Variants in SCMH1 observed in about 807,000 individuals in gnomAD.
SCMH1 encodes Scm polycomb group protein homolog 1, also known as polycomb protein SCMH1.
Under a neutral mutation model 70.8 loss-of-function variants are expected in SCMH1, and 37 were observed. The ratio of observed to expected loss-of-function variants is 0.52; its 90% CI spans 0.40 to 0.69. The LOEUF is 0.69. Among genes scored for constraint, SCMH1 ranks in the 30% least tolerant of loss-of-function variants. SCMH1 has a pLI of 0.00. For missense variants in SCMH1, 607 were observed against 827.3 expected, an observed-to-expected ratio of 0.73 and a Z score of 3.27; for synonymous variants, 292 against 307.4, an observed-to-expected ratio of 0.95 and a Z score of 0.52.
intron 8 of SCMH1, among the ~76,000 whole-genome samples, chr1:41,111,863 C>T (rs1205381328): frequency 6.6e-6 from 1 of 152,162 alleles, no homozygotes; most frequent in Non-Finnish European, 1.5e-5. Context: ...TCTTCCTAAA[C>T]AAGTTTCCCC....
chr1:41,155,867 C>T (rs565222236), intron 4 of SCMH1, among the ~76,000 whole-genome samples: 2 of 151,560 alleles, frequency 1.3e-5, no homozygotes, highest in South Asian at 4.2e-4. Context: ...CACCTATAAT[C>T]CCAGCTACTT....
chr1:41,087,937 G>GGTGT (rs55721560), intron 8 of SCMH1, among the ~76,000 whole-genome samples: 1,525 of 139,894 alleles, frequency 0.011, 26 homozygotes, highest in African/African-American at 0.037. Context: ...TATAGTTTCT[G>GGTGT]GTGTGTGTGT....
chr1:41,102,031 G>A (rs1666765350), intron 8 of SCMH1, among the ~76,000 whole-genome samples: 1 of 152,138 alleles, frequency 6.6e-6, no homozygotes, highest in South Asian at 2.1e-4. Flanking sequence ...CTGCCTTCTA[G>A]GTTTCTCTAA....
chr1:41,179,354 A>T (rs1212230449), intron 2 of SCMH1, among the ~76,000 whole-genome samples: 5 of 152,244 alleles, frequency 3.3e-5, no homozygotes, highest in Admixed American at 3.3e-4. Context: ...GAAGGCAAGA[A>T]ATAACTAACA....
Position 41,168,418 on chromosome 1 carries a change from T to G in SCMH1, c.14-6986A>C, listed in dbSNP as rs534252486. On this transcript the variant is annotated intron_variant, in intron 2 of 14. Transcript: ENST00000337495. ...TTCTTCTGCTTCATTGAATCTGCTGTTGAATACCTCCATTGAATTTTTTTA... is the reference window on the plus strand; with the variant it reads ...TTCTTCTGCTTCATTGAATCTGCTGGTGAATACCTCCATTGAATTTTTTTA... Among the ~76,000 whole-genome samples the G allele has an allele frequency of 5.3e-5, 8 of 152,254 alleles. No homozygotes were observed. The South Asian group carries it at 1.5e-3, about 28-fold the overall frequency.
At chr1:41,151,470 C>A (rs191131935) in intron 5 of SCMH1, 144 bp downstream of exon 5, 61 of 519,032 alleles carry the variant, frequency 1.2e-4, no homozygotes, top group Admixed American at 5.1e-4. Context: ...AATTTTACTT[C>A]TTGAGCTGTG....
intron 1 of SCMH1, among the ~76,000 whole-genome samples, chr1:41,200,256 T>A (rs1210213174): frequency 2.0e-5 from 3 of 151,904 alleles, no homozygotes; most frequent in Admixed American, 6.6e-5. Context: ...GGCGGGTGGA[T>A]CACAAGGTCA....
intron 2 of SCMH1, among the ~76,000 whole-genome samples, chr1:41,177,635 A>G (rs939181341): frequency 2.0e-5 from 3 of 152,222 alleles, no homozygotes; most frequent in Non-Finnish European, 2.9e-5. Flanking sequence ...AAGAAAGGGT[A>G]CCAGTGATGG....
chr1:41,150,790 A>G (rs991897939), intron 5 of SCMH1, among the ~76,000 whole-genome samples: 10 of 151,510 alleles, frequency 6.6e-5, no homozygotes, highest in South Asian at 6.3e-4. Flanking sequence ...CAAAAAAATT[A>G]GCCGGGCATG....
chr1:41,194,969 T>G (rs1181260921), intron 1 of SCMH1, among the ~76,000 whole-genome samples: 1 of 151,634 alleles, frequency 6.6e-6, no homozygotes, highest in Non-Finnish European at 1.5e-5. Context: ...CCATCTCTAC[T>G]AAAAATACAA....
At chr1:41,238,799 C>CT (rs972178930) in intron 1 of SCMH1, among the ~76,000 whole-genome samples, 6 of 152,088 alleles carry the variant, frequency 3.9e-5, no homozygotes, top group Non-Finnish European at 5.9e-5. Context: ...GACCACACCT[C>CT]TTTTTTTTCT....
intron 6 of SCMH1, among the ~76,000 whole-genome samples, chr1:41,131,852 A>G (rs1674816076): frequency 6.6e-6 from 1 of 152,158 alleles, no homozygotes; most frequent in South Asian, 2.1e-4. Context: ...TTCCAGCTTC[A>G]TCCATGTCCC....
chr1:41,164,744 TTTTA>T (rs1329716654), intron 2 of SCMH1, among the ~76,000 whole-genome samples: 1 of 152,088 alleles, frequency 6.6e-6, no homozygotes. Context: ...TTTTTTTTGC[TTTTA>T]TTTGTAATTG....
At chr1:41,043,522 AC>A (rs1571377902) in intron 12 of SCMH1, 1 of 149,240 alleles carries the variant, frequency 6.7e-6, no homozygotes. Context: ...TCCCGAGTTC[AC>A]GCCATTCTCC....
Position 41,085,595 on chromosome 1 carries a change from C to T in SCMH1, c.746-10144G>A, listed in dbSNP as rs373184828. On this transcript the variant is annotated intron_variant, in intron 8 of 14. Transcript: ENST00000337495. Reference sequence around the variant, plus strand: ...TAAAACAATCTGTATTTGTAGATGACATGACAGGGTATGCGCCATCCAAAA... The same window carrying T: ...TAAAACAATCTGTATTTGTAGATGATATGACAGGGTATGCGCCATCCAAAA... Among the ~76,000 whole-genome samples, 11 of 152,264 alleles carry T rather than the reference C, an allele frequency of 7.2e-5. No individual in the cohort carries two copies. In the East Asian group the frequency reaches 1.2e-3, roughly 16 times the overall value.
At chr1:41,158,153 C>T (rs1645713596) in intron 4 of SCMH1, among the ~76,000 whole-genome samples, 1 of 152,160 alleles carries the variant, frequency 6.6e-6, no homozygotes. Flanking sequence ...GAACAATTAG[C>T]ATGAGTAAAA....
chr1:41,238,921 T>A (rs1662931128), intron 1 of SCMH1, among the ~76,000 whole-genome samples: 1 of 152,014 alleles, frequency 6.6e-6, no homozygotes, highest in African/African-American at 2.4e-5. Flanking sequence ...TACCAACATA[T>A]CCTCCTTAGT....
intron 6 of SCMH1, among the ~76,000 whole-genome samples, chr1:41,142,130 A>AT (rs896132880): frequency 1.3e-5 from 2 of 151,960 alleles, no homozygotes; most frequent in Admixed American, 6.6e-5. Context: ...TACATTACAA[A>AT]TTTTTTTTTA....
At chr1:41,152,102 A>G (rs573002720) in intron 4 of SCMH1, among the ~76,000 whole-genome samples, 30 of 152,278 alleles carry the variant, frequency 2.0e-4, no homozygotes, top group African/African-American at 6.3e-4. Flanking sequence ...TTAACACCCA[A>G]TATGGTTGGA....
Sources: allele counts gnomAD v4.1 joint callset (sites outside exome capture counted in the v4.1 genomes callset), GRCh38; gene constraint gnomAD v4.1.1; transcripts MANE v1.5; gene names NCBI Gene and HGNC (gene_info 2026-07-23, HGNC 2026-07-21).